The following PCDH15 variants were observed in gnomAD, a reference collection of about 807,000 sequenced individuals.
The protein encoded by PCDH15 is protocadherin related 15.
In PCDH15, 129 loss-of-function variants were observed where a neutral mutation model predicts 178.5. That is an observed-to-expected ratio of 0.72 (90% CI 0.63 to 0.84). PCDH15 has a LOEUF of 0.84. Ranked by LOEUF, PCDH15 falls within the 40% of genes least tolerant of loss-of-function variation. The pLI is 0.00. For synonymous variants in PCDH15, 800 were observed against 732.0 expected (o/e 1.09, Z -1.50); for missense variants, 2,230 against 2,099.9 (o/e 1.06, Z -1.21).
chr10:55,186,503 A>G (rs1591974771), intron 1 of PCDH15, among the ~76,000 whole-genome samples: 1 of 151,792 alleles, frequency 6.6e-6, no homozygotes, highest in East Asian at 1.9e-4. Flanking sequence ...GTTTGGACAA[A>G]CTATTAGGTG....
intron 2 of PCDH15, among the ~76,000 whole-genome samples, chr10:55,333,109 T>C (rs946158172): frequency 6.6e-6 from 1 of 152,202 alleles, no homozygotes; most frequent in African/African-American, 2.4e-5. Context: ...AATAATGTGG[T>C]AATTTGGAGT....
chr10:54,197,460 T>G (rs1417804616), intron 10 of PCDH15, among the ~76,000 whole-genome samples: 1 of 152,168 alleles, frequency 6.6e-6, no homozygotes, highest in Non-Finnish European at 1.5e-5. Flanking sequence ...TTTATTAAAA[T>G]GAATTCAAAT....
At chr10:53,839,128 C>A (rs567655906) in intron 29 of PCDH15, among the ~76,000 whole-genome samples, 1 of 135,418 alleles carries the variant, frequency 7.4e-6, no homozygotes, top group East Asian at 2.5e-4. Flanking sequence ...GGCGTGAACC[C>A]GGGAGGTGGA....
At chr10:55,309,296 G>A (rs768843547) in intron 1 of PCDH15, among the ~76,000 whole-genome samples, 45 of 152,186 alleles carry the variant, frequency 3.0e-4, no homozygotes, top group Non-Finnish European at 6.6e-4. Context: ...CAGGAGAATC[G>A]CTGGAAGCCA....
At chr10:55,488,236 A>T (rs1000345376) in intron 2 of PCDH15, among the ~76,000 whole-genome samples, 15 of 151,650 alleles carry the variant, frequency 9.9e-5, no homozygotes, top group African/African-American at 3.4e-4. Context: ...TTTTTAATCA[A>T]AACATTTTAA....
chr10:55,147,043 C>T (rs982322688), intron 2 of PCDH15, among the ~76,000 whole-genome samples: 2 of 151,126 alleles, frequency 1.3e-5, no homozygotes, highest in African/African-American at 4.9e-5. Context: ...AGAACAATTA[C>T]CAATTGAGCA....
At chr10:54,178,853 C>G (rs1481070687) in intron 13 of PCDH15, among the ~76,000 whole-genome samples, 1 of 152,052 alleles carries the variant, frequency 6.6e-6, no homozygotes, top group Non-Finnish European at 1.5e-5. Context: ...AAATGCAAAT[C>G]AAAACCACAA....
At chr10:54,243,241 G>A (rs980935416) in intron 8 of PCDH15, among the ~76,000 whole-genome samples, 1 of 152,308 alleles carries the variant, frequency 6.6e-6, no homozygotes. Flanking sequence ...AGGAAAGTCA[G>A]TGTCACGCCT....
chr10:53,923,748 G>A (rs773801521), intron 25 of PCDH15, among the ~76,000 whole-genome samples: 36 of 152,194 alleles, frequency 2.4e-4, no homozygotes, highest in Non-Finnish European at 4.6e-4. Context: ...AACATTTGAT[G>A]TTTCAGCCAT....
chr10:53,821,182 A>G (rs1440497918), intron 32 of PCDH15: 1 of 973,178 alleles, frequency 1.0e-6, no homozygotes, highest in East Asian at 1.1e-4. Flanking sequence ...AGCAACTGAA[A>G]AAGTATAAGA....
chr10:54,792,861 G>C (rs901640738), intron 1 of PCDH15, among the ~76,000 whole-genome samples: 1 of 151,814 alleles, frequency 6.6e-6, no homozygotes, highest in Non-Finnish European at 1.5e-5. Context: ...GCCAGGTTGA[G>C]CACTGGCAGG....
chr10:54,993,122 T>C (rs1839544618), intron 2 of PCDH15, among the ~76,000 whole-genome samples: 1 of 152,052 alleles, frequency 6.6e-6, no homozygotes, highest in Non-Finnish European at 1.5e-5. Context: ...CAGATGCATA[T>C]GAGATTGGTT....
intron 1 of PCDH15, among the ~76,000 whole-genome samples, chr10:54,706,842 C>T (rs112394438): frequency 0.019 from 2,925 of 152,194 alleles, 87 homozygotes; most frequent in African/African-American, 0.065. Context: ...AAGCTGGTCT[C>T]ACACTCCTGA....
rs199967659 is a variant in PCDH15, at chr10:54,954,351, A to AT, written c.-79-56852dup. 7.6e-3 allele frequency among the ~76,000 whole-genome samples: 1,146 copies of AT among 151,356 alleles called. 17 individuals carry two copies. The highest frequency in any genetic ancestry group is 0.026 in the African/African-American group (1,089 of 41,496). Reference sequence around the variant, plus strand: ...AAAGTATCATCCATTCTCAAAAAAAATTCTAATATCTTCCTACAGGTTAAT... The same window carrying AT: ...AAAGTATCATCCATTCTCAAAAAAAATTTCTAATATCTTCCTACAGGTTAAT... On this transcript the variant is annotated intron_variant, in intron 2 of 5. Coordinates refer to the PCDH15 transcript ENST00000458638.
intron 1 of PCDH15, among the ~76,000 whole-genome samples, chr10:54,709,613 T>G (rs1173606483): frequency 7.0e-6 from 1 of 143,344 alleles, no homozygotes; most frequent in Non-Finnish European, 1.5e-5. Context: ...TATATATACA[T>G]ATATATATAT....
intron 2 of PCDH15, among the ~76,000 whole-genome samples, chr10:55,072,704 T>C (rs1841782708): frequency 6.6e-6 from 1 of 151,904 alleles, no homozygotes; most frequent in African/African-American, 2.4e-5. Context: ...TCTGAAACTA[T>C]TCCAATCAAT....
At chr10:55,529,741 G>GTATATATATATATATATATATATATA (rs56254743) in intron 2 of PCDH15, among the ~76,000 whole-genome samples, 1 of 62,772 alleles carries the variant, frequency 1.6e-5, no homozygotes, top group Admixed American at 2.0e-4. Flanking sequence ...TTGTCTGTGA[G>GTATATATATATATATATATATATATA]TATATATATA....
At position 53,959,863 on chromosome 10, in the gene PCDH15, T is replaced by C. The variant is rs1377927467; in HGVS notation, c.3010-19A>G. On this transcript the variant is annotated intron_variant, in intron 22 of 37. Transcript: ENST00000644397. The stretch of plus-strand genomic sequence containing the variant: ...CCACCAACTTAAAAAGCAATAAAAA[T>C]TCATGTTAAAGATTATAAGTAAGAA... 6 of 1,585,764 alleles carry C rather than the reference T, an allele frequency of 3.8e-6. No homozygotes were observed. The highest frequency in any genetic ancestry group is 4.3e-6 in the Non-Finnish European group (5 of 1,154,450).
At chr10:54,293,354 C>A (rs150451557) in intron 8 of PCDH15, among the ~76,000 whole-genome samples, 2,040 of 152,192 alleles carry the variant, frequency 0.013, 40 homozygotes, top group South Asian at 0.045. Flanking sequence ...GACCTAAAAT[C>A]ATAAAAACCT....
Sources: allele counts gnomAD v4.1 joint callset (sites outside exome capture counted in the v4.1 genomes callset), GRCh38; gene constraint gnomAD v4.1.1; transcripts MANE v1.5; gene names NCBI Gene and HGNC (gene_info 2026-07-23, HGNC 2026-07-21).